Variants in SKAP2 observed in about 807,000 individuals in gnomAD.
SKAP2 encodes the protein src kinase-associated phosphoprotein 2.
In SKAP2, 28 loss-of-function variants were observed where a neutral mutation model predicts 54.9. The observed-to-expected ratio is 0.51, with a 90% CI of 0.38 to 0.70. The LOEUF (loss-of-function observed/expected upper bound fraction) is 0.70, where lower values mean the gene tolerates loss of function less well. Among genes scored for constraint, SKAP2 ranks in the 30% least tolerant of loss-of-function variants. SKAP2 has a pLI of 0.00. For missense variants in SKAP2, 356 were observed against 424.1 expected, an observed-to-expected ratio of 0.84 and a Z score of 1.41; for synonymous variants, 137 against 134.3, an observed-to-expected ratio of 1.02 and a Z score of -0.14.
At chr7:26,733,097 C>G (rs1008442735) in intron 6 of SKAP2, among the ~76,000 whole-genome samples, 3 of 151,412 alleles carry the variant, frequency 2.0e-5, no homozygotes, top group African/African-American at 7.3e-5. Flanking sequence ...TGCCACTGCA[C>G]TCTGGCCTGG....
At chr7:26,846,796 C>A (rs953026663) in intron 3 of SKAP2, among the ~76,000 whole-genome samples, 1 of 152,156 alleles carries the variant, frequency 6.6e-6, no homozygotes, top group Non-Finnish European at 1.5e-5. Context: ...GCCTGGCCAA[C>A]ATGGCAAAAC....
chr7:26,768,557 GTC>G (rs1783115671), intron 4 of SKAP2, among the ~76,000 whole-genome samples: 1 of 152,124 alleles, frequency 6.6e-6, no homozygotes, highest in Non-Finnish European at 1.5e-5. Context: ...AGTGTCGATG[GTC>G]TTTACAATTT....
rs1169411901 is a variant in SKAP2, at chr7:26,706,594, A to T, written c.797-16232T>A. 2.6e-5 allele frequency among the ~76,000 whole-genome samples: 4 copies of T among 152,198 alleles called. No homozygotes were observed. The East Asian group carries it at 7.7e-4, about 29-fold the overall frequency. ...TTCATGTGATTTTTCCTGTTTCCAG[A>T]TGACAAGTTTCTTTGAGATGATATT... On this transcript the variant is annotated intron_variant, in intron 9 of 12. Transcript: ENST00000345317.
chr7:26,702,744 T>A (rs1022685320), intron 9 of SKAP2, among the ~76,000 whole-genome samples: 29 of 152,180 alleles, frequency 1.9e-4, no homozygotes, highest in African/African-American at 7.0e-4. Context: ...ATGAAAGGGA[T>A]CAAGCACATA....
At chr7:26,816,468 A>C (rs1784267887) in intron 4 of SKAP2, among the ~76,000 whole-genome samples, 1 of 152,088 alleles carries the variant, frequency 6.6e-6, no homozygotes, top group African/African-American at 2.4e-5. Context: ...ATTAAAGATA[A>C]GAAAATTTAG....
intron 4 of SKAP2, among the ~76,000 whole-genome samples, chr7:26,809,141 C>T (rs1055376467): frequency 4.4e-4 from 67 of 152,226 alleles, no homozygotes; most frequent in African/African-American, 1.4e-3. Context: ...TGGCCGGGCG[C>T]GGTGGCTCAC....
At chr7:26,819,031 G>C (rs12537014) in intron 4 of SKAP2, among the ~76,000 whole-genome samples, 1 of 151,860 alleles carries the variant, frequency 6.6e-6, no homozygotes, top group Non-Finnish European at 1.5e-5. Context: ...TCAAGGATCT[G>C]GAACCAGAAA....
rs546567860 is a variant in SKAP2 at position 26,796,916 on chromosome 7, ACTG to A, written c.307+47111_307+47113del. 2.1e-3 allele frequency among the ~76,000 whole-genome samples: 325 copies of A among 152,342 alleles called. 1 individual carries two copies. The highest frequency in any genetic ancestry group is 3.4e-3 in the Middle Eastern group (1 of 294). The stretch of plus-strand genomic sequence containing the variant: ...AAACCCTCACATTGTTCATGAGTCA[ACTG>A]TATATCCCTTACTCCTTTACCATGA... On this transcript the variant is annotated intron_variant, in intron 4 of 12. Coordinates refer to ENST00000345317, the MANE Select transcript of SKAP2 (RefSeq NM_003930.5).
At chr7:26,852,940 C>T (rs1234773246) in intron 3 of SKAP2, among the ~76,000 whole-genome samples, 5 of 152,060 alleles carry the variant, frequency 3.3e-5, no homozygotes, top group Non-Finnish European at 5.9e-5. Context: ...TTCATTTATA[C>T]ATTCGTCTAA....
At chr7:26,701,314 G>A (rs143130133) in intron 9 of SKAP2, among the ~76,000 whole-genome samples, 1 of 152,192 alleles carries the variant, frequency 6.6e-6, no homozygotes, top group Admixed American at 6.5e-5. Flanking sequence ...AATAAGTTTT[G>A]AAAACAAAAA....
chr7:26,864,548 C>G lies in SKAP2; in HGVS notation c.-119G>C. On this transcript the variant is annotated 5_prime_UTR_variant, in exon 1 of 13. Transcript: ENST00000345317. ...GCCCGGATTAAGAACAGCGGGGCTA[C>G]GAGTCGGGACACTGCCGGGCCGGGG... The G allele has an allele frequency of 6.9e-7, 1 of 1,448,330 alleles. No individual in the cohort carries two copies. The highest frequency in any genetic ancestry group is 9.1e-7 in the Non-Finnish European group (1 of 1,100,800). 89.7% of individuals were successfully genotyped at this position (1,448,330 alleles called of 1,614,324 possible).
intron 9 of SKAP2, among the ~76,000 whole-genome samples, chr7:26,701,174 G>C (rs930426722): frequency 6.6e-6 from 1 of 152,244 alleles, no homozygotes; most frequent in South Asian, 2.1e-4. Context: ...TGGCTAGCTA[G>C]GTATTTTATT....
intron 4 of SKAP2, among the ~76,000 whole-genome samples, chr7:26,819,134 A>C (rs1784331858): frequency 6.6e-6 from 1 of 152,122 alleles, no homozygotes; most frequent in African/African-American, 2.4e-5. Context: ...TATGTTTATC[A>C]CAGCACTGTT....
At chr7:26,730,142 A>C (rs926218484) in intron 6 of SKAP2, among the ~76,000 whole-genome samples, 26 of 152,320 alleles carry the variant, frequency 1.7e-4, no homozygotes, top group African/African-American at 6.3e-4. Flanking sequence ...AGACATGGCT[A>C]TAAGACAACA....
At chr7:26,741,129 T>C (rs1782436324) in intron 4 of SKAP2, among the ~76,000 whole-genome samples, 1 of 151,876 alleles carries the variant, frequency 6.6e-6, no homozygotes, top group South Asian at 2.1e-4. Context: ...AGAAAATGTG[T>C]TTGAGTACAA....
chr7:26,715,542 C>A (rs557673597), intron 9 of SKAP2, among the ~76,000 whole-genome samples: 8 of 152,074 alleles, frequency 5.3e-5, no homozygotes, highest in Non-Finnish European at 1.2e-4. Flanking sequence ...TTTGGAAAGC[C>A]GAGGCGGGTG....
intron 4 of SKAP2, among the ~76,000 whole-genome samples, chr7:26,839,678 A>C (rs1313406370): frequency 1.3e-5 from 2 of 152,026 alleles, no homozygotes; most frequent in East Asian, 3.8e-4. Context: ...TTCCAGTTTT[A>C]AACATTGTTT....
chr7:26,817,610 A>G (rs1784296512), intron 4 of SKAP2, among the ~76,000 whole-genome samples: 1 of 152,178 alleles, frequency 6.6e-6, no homozygotes, highest in Non-Finnish European at 1.5e-5. Context: ...ATATAGATAG[A>G]CACATGACAC....
chr7:26,860,480 C>A (rs574475853), intron 1 of SKAP2, among the ~76,000 whole-genome samples: 42 of 151,876 alleles, frequency 2.8e-4, no homozygotes, highest in Non-Finnish European at 5.6e-4. Context: ...TGATTGCTGC[C>A]CAAATGGGGC....
Sources: gnomAD v4.1 joint callset for allele counts (sites outside exome capture counted in the v4.1 genomes callset) on GRCh38, gnomAD v4.1.1 for gene constraint, MANE v1.5 for transcripts, NCBI Gene and HGNC (gene_info 2026-07-23, HGNC 2026-07-21) for gene names.